HERC4: variants seen among roughly 807,000 people sequenced by gnomAD.
HERC4 encodes the protein probable E3 ubiquitin-protein ligase HERC4.
In HERC4, 28 loss-of-function variants were observed where a neutral mutation model predicts 124.3. The ratio of observed to expected loss-of-function variants is 0.23; its 90% CI spans 0.17 to 0.31. The LOEUF (loss-of-function observed/expected upper bound fraction) is 0.31, where lower values mean the gene tolerates loss of function less well. Among genes scored for constraint, HERC4 ranks in the 10% least tolerant of loss-of-function variants. HERC4 has a pLI of 1.00. For synonymous variants in HERC4, 407 were observed against 421.5 expected (o/e 0.97, Z 0.42); for missense variants, 713 against 1,229.3 (o/e 0.58, Z 6.28).
intron 3 of HERC4, among the ~76,000 whole-genome samples, chr10:68,072,628 C>A (rs951782136): frequency 1.3e-5 from 2 of 151,806 alleles, no homozygotes; most frequent in Non-Finnish European, 2.9e-5. Context: ...TTATATACTG[C>A]AGGCTGATTT....
intron 9 of HERC4, among the ~76,000 whole-genome samples, chr10:67,995,445 A>T (rs1468402666): frequency 6.6e-6 from 1 of 152,002 alleles, no homozygotes; most frequent in Non-Finnish European, 1.5e-5. Flanking sequence ...TCAAATTTGC[A>T]TTTCTTTGAT....
intron 3 of HERC4, among the ~76,000 whole-genome samples, chr10:68,059,743 T>TA (rs1242181421): frequency 1.3e-5 from 1 of 77,626 alleles, no homozygotes; most frequent in African/African-American, 5.8e-5. Flanking sequence ...CATAATATTA[T>TA]ATATTATAAT....
chr10:67,983,796 A>AAAC (rs1161968940), intron 15 of HERC4, among the ~76,000 whole-genome samples: 1 of 149,366 alleles, frequency 6.7e-6, no homozygotes, highest in East Asian at 2.0e-4. Flanking sequence ...CAAAAAAAAA[A>AAAC]AAAAAAAAAT....
chr10:68,028,249 TAA>T (rs536531727), intron 7 of HERC4, among the ~76,000 whole-genome samples: 2 of 142,932 alleles, frequency 1.4e-5, no homozygotes, highest in African/African-American at 2.5e-5. Flanking sequence ...ATTGACCAGT[TAA>T]AAAAAAAAAA....
At chr10:67,980,180 C>T (rs1338201500) in intron 15 of HERC4, among the ~76,000 whole-genome samples, 1 of 152,064 alleles carries the variant, frequency 6.6e-6, no homozygotes, top group South Asian at 2.1e-4. Context: ...GGCGCGATCT[C>T]GGCTCACCAC....
chr10:67,948,614 G>C (rs2033564178), intron 19 of HERC4, among the ~76,000 whole-genome samples: 1 of 152,176 alleles, frequency 6.6e-6, no homozygotes, highest in African/African-American at 2.4e-5. Flanking sequence ...AAACAGTGTG[G>C]AGATTCCCTA....
rs1238046170 is a variant in HERC4 at position 68,031,649 on chromosome 10, T to C, written c.777+1129A>G. 2.6e-5 allele frequency among the ~76,000 whole-genome samples: 4 copies of C among 152,210 alleles called. No individual in the cohort carries two copies. The East Asian group carries it at 7.7e-4, about 29-fold the overall frequency. On this transcript the variant is annotated intron_variant, in intron 7 of 24. Coordinates refer to ENST00000373700, the MANE Select transcript of HERC4 (RefSeq NM_015601.4). The stretch of plus-strand genomic sequence containing the variant: ...TAATTGGTCATTATATTTTTAAAAG[T>C]GCCTTGAGTTCACTATATTTGACAA...
At chr10:68,033,446 G>A (rs2039310918) in intron 6 of HERC4, among the ~76,000 whole-genome samples, 2 of 152,046 alleles carry the variant, frequency 1.3e-5, no homozygotes, top group Admixed American at 1.3e-4. Flanking sequence ...GTCAAATACT[G>A]GCATTCAACT....
At chr10:67,998,563 A>AAGG (rs1491417387) in intron 9 of HERC4, among the ~76,000 whole-genome samples, 7 of 130,870 alleles carry the variant, frequency 5.3e-5, no homozygotes, top group Admixed American at 1.6e-4. Context: ...AAAAAAAAAA[A>AAGG]GGGGGGGGGG....
In HERC4 at chr10:67,938,315, C is replaced by G. The variant is rs910814697; in HGVS notation, c.2571+1273G>C. 2.6e-5 allele frequency among the ~76,000 whole-genome samples: 4 copies of G among 151,642 alleles called. No individual in the cohort carries two copies. In the East Asian group the frequency reaches 7.9e-4, roughly 30 times the overall value. ...AATTAGCTGGGTATGGTGGTGTGCA[C>G]CTGTAGTCCCAGCTACTCGGGAGGC... On this transcript the variant is annotated intron_variant, in intron 21 of 24. Transcript: ENST00000373700.
intron 3 of HERC4, among the ~76,000 whole-genome samples, chr10:68,049,434 T>A (rs1469679919): frequency 6.7e-6 from 1 of 149,710 alleles, no homozygotes; most frequent in Admixed American, 6.6e-5. Flanking sequence ...GAGGCTGAGG[T>A]GGACAGATCT....
At chr10:68,051,521 G>A (rs12784085) in intron 3 of HERC4, among the ~76,000 whole-genome samples, 3 of 146,738 alleles carry the variant, frequency 2.0e-5, no homozygotes, top group African/African-American at 7.7e-5. Flanking sequence ...GTTTTTTTTT[G>A]GTTTTTTTTT....
At chr10:68,047,148 T>C (rs2040053531) in intron 3 of HERC4, among the ~76,000 whole-genome samples, 1 of 150,676 alleles carries the variant, frequency 6.6e-6, no homozygotes, top group Non-Finnish European at 1.5e-5. Flanking sequence ...CAAAAAATAG[T>C]ATTCATCTCA....
intron 16 of HERC4, among the ~76,000 whole-genome samples, chr10:67,958,407 T>C (rs749448609): frequency 6.6e-6 from 1 of 152,240 alleles, no homozygotes; most frequent in Non-Finnish European, 1.5e-5. Flanking sequence ...CATAATTTTA[T>C]GTGCTAATTC....
intron 15 of HERC4, among the ~76,000 whole-genome samples, chr10:67,980,988 G>T (rs1589239930): frequency 6.6e-6 from 1 of 151,976 alleles, no homozygotes; most frequent in South Asian, 2.1e-4. Flanking sequence ...GAAAAAAAAG[G>T]AAGAGAAAAC....
At chr10:67,959,838 G>A (rs1239255082) in intron 16 of HERC4, among the ~76,000 whole-genome samples, 1 of 152,188 alleles carries the variant, frequency 6.6e-6, no homozygotes, top group Non-Finnish European at 1.5e-5. Context: ...ACATTTTCTT[G>A]TAGAAAGTTT....
At chr10:68,013,350 A>C (rs1423918922) in intron 9 of HERC4, among the ~76,000 whole-genome samples, 1 of 152,196 alleles carries the variant, frequency 6.6e-6, no homozygotes. Context: ...AGTGGTCTGG[A>C]ACTGAGCCCA....
intron 10 of HERC4, 71 bp from the exon 11 acceptor site, chr10:67,992,394 C>T (rs946181741): frequency 2.6e-6 from 4 of 1,546,612 alleles, no homozygotes; most frequent in Non-Finnish European, 3.5e-6. Context: ...GAAATTCCCA[C>T]CATATATTTG....
intron 9 of HERC4, chr10:68,010,812 T>A (rs1564543769): frequency 3.3e-6 from 5 of 1,530,290 alleles, no homozygotes; most frequent in Non-Finnish European, 4.5e-6. Flanking sequence ...AGGGTGATCC[T>A]CTTCTGCTTC....
Sources: gnomAD v4.1 joint callset for allele counts (sites outside exome capture counted in the v4.1 genomes callset) on GRCh38, gnomAD v4.1.1 for gene constraint, MANE v1.5 for transcripts, NCBI Gene and HGNC (gene_info 2026-07-23, HGNC 2026-07-21) for gene names.